CEP128: variants seen among roughly 807,000 people sequenced by gnomAD.
CEP128 encodes centrosomal protein 128kDa.
Under a neutral mutation model 156.7 loss-of-function variants are expected in CEP128, and 132 were observed. The observed-to-expected ratio is 0.84, with a 90% CI of 0.73 to 0.97. The LOEUF (loss-of-function observed/expected upper bound fraction) is 0.97. Ranked by LOEUF, CEP128 falls within the 50% of genes least tolerant of loss-of-function variation. The pLI is 0.00. For missense variants in CEP128, 1,252 were observed against 1,281.9 expected (o/e 0.98, Z 0.36); for synonymous variants, 469 against 448.9 (o/e 1.04, Z -0.57).
chr14:80,696,986 G>GTGTAAAGGAACAAGTTTCCAGAGCT (rs1225030675), intron 19 of CEP128, among the ~76,000 whole-genome samples: 1 of 152,102 alleles, frequency 6.6e-6, no homozygotes, highest in Non-Finnish European at 1.5e-5. Context: ...TTCCAGAGGA[G>GTGTAAAGGAACAAGTTTCCAGAGCT]GTTAAGAGGT....
intron 23 of CEP128, among the ~76,000 whole-genome samples, chr14:80,506,410 A>T (rs200637055): frequency 2.0e-4 from 27 of 137,724 alleles, no homozygotes; most frequent in Non-Finnish European, 3.5e-4. Context: ...GCTTTGATTT[A>T]TTTTTTTTTT....
chr14:80,751,021 A>G (rs1473889732), intron 18 of CEP128, among the ~76,000 whole-genome samples: 3 of 152,226 alleles, frequency 2.0e-5, no homozygotes, highest in African/African-American at 7.2e-5. Flanking sequence ...GGAAGGTCAC[A>G]TAAGCACACA....
At chr14:80,859,110 C>T (rs228116) in intron 9 of CEP128, among the ~76,000 whole-genome samples, 55,852 of 139,588 alleles carry the variant, frequency 0.4, 11,051 homozygotes, top group East Asian at 0.68. Context: ...ATGTTTATTG[C>T]GGCATTATTC....
intron 19 of CEP128, among the ~76,000 whole-genome samples, chr14:80,714,791 A>T (rs1897543049): frequency 6.6e-6 from 1 of 151,236 alleles, no homozygotes; most frequent in South Asian, 2.1e-4. Context: ...TCAAGACTTA[A>T]AAAAAAAAGA....
At chr14:80,899,106 G>T (rs1422938978) in intron 7 of CEP128, among the ~76,000 whole-genome samples, 1 of 152,084 alleles carries the variant, frequency 6.6e-6, no homozygotes, top group African/African-American at 2.4e-5. Flanking sequence ...TTAGCTAATA[G>T]AACTAGTAAT....
chr14:80,799,213 C>A (rs1883679052), intron 13 of CEP128, among the ~76,000 whole-genome samples: 1 of 152,322 alleles, frequency 6.6e-6, no homozygotes, highest in East Asian at 1.9e-4. Context: ...AACGGAGGGA[C>A]TGGCTGGAGC....
intron 9 of CEP128, among the ~76,000 whole-genome samples, chr14:80,841,583 A>G (rs148000232): frequency 1.6e-4 from 24 of 152,168 alleles, no homozygotes; most frequent in African/African-American, 5.1e-4. Context: ...CATATAATAA[A>G]TAAATATATT....
At chr14:80,501,758 C>G (rs950477494) in intron 24 of CEP128, among the ~76,000 whole-genome samples, 1 of 151,930 alleles carries the variant, frequency 6.6e-6, no homozygotes, top group African/African-American at 2.4e-5. Context: ...CCCACCTCGG[C>G]CTCCCACCTC....
chr14:80,591,230 A>G (rs1454045219), intron 19 of CEP128, among the ~76,000 whole-genome samples: 1 of 152,142 alleles, frequency 6.6e-6, no homozygotes, highest in Admixed American at 6.5e-5. Context: ...ATAAAGAGTC[A>G]AGACCCATCG....
chr14:80,833,590 C>T (rs1288055778), intron 12 of CEP128, among the ~76,000 whole-genome samples: 2 of 151,878 alleles, frequency 1.3e-5, no homozygotes, highest in African/African-American at 2.4e-5. Context: ...GAGTCTGCTA[C>T]TTCCCTCATG....
chr14:80,787,717 CTT>C (rs924176178), intron 14 of CEP128, among the ~76,000 whole-genome samples: 1 of 152,110 alleles, frequency 6.6e-6, no homozygotes, highest in Non-Finnish European at 1.5e-5. Flanking sequence ...AAGCAGATAA[CTT>C]AGCCCCCTTG....
At chr14:80,593,853 C>T (rs1244931983) in intron 19 of CEP128, among the ~76,000 whole-genome samples, 3 of 152,146 alleles carry the variant, frequency 2.0e-5, no homozygotes, top group East Asian at 1.9e-4. Context: ...ACATTCCATG[C>T]TCATGAATAG....
At chr14:80,615,314 C>A (rs1301385221) in intron 19 of CEP128, among the ~76,000 whole-genome samples, 1 of 152,122 alleles carries the variant, frequency 6.6e-6, no homozygotes, top group Non-Finnish European at 1.5e-5. Context: ...TGATAAGGGT[C>A]CACTATGTGA....
rs772250991 is a variant in CEP128 at position 80,591,993 on chromosome 14, A to T, written c.2807-11570T>A. ...GACACAATATACCAGAATCTCTGGG[A>T]CACAGATAAGCAGTGTTTAGAGGGA... On this transcript the variant is annotated intron_variant, in intron 19 of 24. Transcript: ENST00000555265. Among the ~76,000 whole-genome samples the T allele has an allele frequency of 7.3e-4, 111 of 152,336 alleles. 1 individual carries two copies. Among genetic ancestry groups the T allele is most frequent in the South Asian group, 1.7e-3 (8 of 4,828 alleles).
intron 1 of CEP128, among the ~76,000 whole-genome samples, chr14:80,941,202 T>C (rs1290657171): frequency 6.6e-6 from 1 of 152,134 alleles, no homozygotes; most frequent in Non-Finnish European, 1.5e-5. Flanking sequence ...TCAAATTTGC[T>C]TGCAGGACAG....
chr14:80,531,996 T>A (rs1000553194), intron 21 of CEP128, among the ~76,000 whole-genome samples: 4 of 152,146 alleles, frequency 2.6e-5, no homozygotes, highest in Non-Finnish European at 5.9e-5. Flanking sequence ...GCCCACCATA[T>A]TGGATTTCAC....
At chr14:80,889,519 A>C (rs139282591) in intron 8 of CEP128, among the ~76,000 whole-genome samples, 37 of 152,298 alleles carry the variant, frequency 2.4e-4, no homozygotes, top group African/African-American at 7.5e-4. Context: ...CAAAAACAAG[A>C]AATGGAGAAA....
chr14:80,622,261 G>C (rs1893510382), intron 19 of CEP128, among the ~76,000 whole-genome samples: 2 of 151,852 alleles, frequency 1.3e-5, no homozygotes, highest in African/African-American at 4.8e-5. Context: ...ATTTTTCATT[G>C]AGATGAACCT....
chr14:80,685,064 T>C (rs1896473968), intron 19 of CEP128, among the ~76,000 whole-genome samples: 1 of 152,034 alleles, frequency 6.6e-6, no homozygotes, highest in Non-Finnish European at 1.5e-5. Context: ...CTCTCACCAC[T>C]CCTATTCAAC....
Sources: gnomAD v4.1 joint callset for allele counts (sites outside exome capture counted in the v4.1 genomes callset) on GRCh38, gnomAD v4.1.1 for gene constraint, MANE v1.5 for transcripts, NCBI Gene and HGNC (gene_info 2026-07-23, HGNC 2026-07-21) for gene names.